Variants in DLC1 observed in about 807,000 individuals in gnomAD.
The protein encoded by DLC1 is rho GTPase-activating protein 7.
DLC1 carries 54 observed loss-of-function variants against 140.3 expected under a neutral mutation model. That is an observed-to-expected ratio of 0.38 (90% CI 0.31 to 0.48). DLC1 has a LOEUF of 0.48. Among genes scored for constraint, DLC1 ranks in the 20% least tolerant of loss-of-function variants. The pLI is 0.96. For missense variants in DLC1, 2,536 were observed against 1,907.0 expected (o/e 1.33, Z -6.14); for synonymous variants, 986 against 728.1 (o/e 1.35, Z -5.70).
chr8:13,586,533 T>C (rs1373033772), intron 1 of DLC1, among the ~76,000 whole-genome samples: 18 of 151,630 alleles, frequency 1.2e-4, no homozygotes, highest in Admixed American at 1.1e-3. Context: ...ACTGAATGAA[T>C]TGAGTTTTTT....
At chr8:13,326,817 A>T (rs564817614) in intron 4 of DLC1, among the ~76,000 whole-genome samples, 83 of 152,228 alleles carry the variant, frequency 5.5e-4, no homozygotes, top group Non-Finnish European at 1.0e-3. Context: ...CTCCGGCTCT[A>T]GGAATCATAT....
At chr8:13,220,949 A>T (rs142261666) in intron 5 of DLC1, among the ~76,000 whole-genome samples, 336 of 152,340 alleles carry the variant, frequency 2.2e-3, no homozygotes, top group African/African-American at 7.3e-3. Context: ...GGCTGTGGGC[A>T]GAGTGATGAA....
intron 1 of DLC1, chr8:13,567,527 A>C: frequency 1.3e-6 from 2 of 1,551,930 alleles, no homozygotes; most frequent in Non-Finnish European, 1.7e-6. Context: ...ATCTACTTTA[A>C]AAACATGAGG....
chr8:13,098,316 A>T, intron 10 of DLC1, 83 bp downstream of exon 10: 1 of 1,511,096 alleles, frequency 6.6e-7, no homozygotes, highest in Non-Finnish European at 9.0e-7. Flanking sequence ...GAGAAGTGTC[A>T]TTTTTTACTG....
At chr8:13,095,064 G>A in intron 11 of DLC1, 22 bp downstream of exon 11, 1 of 1,613,948 alleles carries the variant, frequency 6.2e-7, no homozygotes, top group South Asian at 1.1e-5. Context: ...TGAGTACGTG[G>A]ACCCGCAGGC....
At chr8:13,395,362 C>G (rs1171934085) in intron 3 of DLC1, among the ~76,000 whole-genome samples, 2 of 152,088 alleles carry the variant, frequency 1.3e-5, no homozygotes, top group Non-Finnish European at 2.9e-5. Context: ...ACCTCGTGAT[C>G]CACCCGCCTT....
intron 2 of DLC1, among the ~76,000 whole-genome samples, chr8:13,466,140 G>A (rs1040333868): frequency 6.6e-6 from 1 of 152,112 alleles, no homozygotes; most frequent in Non-Finnish European, 1.5e-5. Flanking sequence ...ACACCTGCTT[G>A]TTCTAAACCT....
At chr8:13,413,255 G>GGTTTTTTTTTTTTT (rs1461897724) in intron 2 of DLC1, among the ~76,000 whole-genome samples, 4 of 30,138 alleles carry the variant, frequency 1.3e-4, no homozygotes, top group African/African-American at 3.1e-4. Flanking sequence ...ATTTTTTTGC[G>GGTTTTTTTTTTTTT]ATTTTTTTTT....
chr8:13,174,464 T>A (rs1978665), intron 5 of DLC1, among the ~76,000 whole-genome samples: 67,363 of 152,110 alleles, frequency 0.44, 15,704 homozygotes, highest in East Asian at 0.84. Flanking sequence ...GTGGCTGAAC[T>A]AAGGTACATT....
chr8:13,214,551 C>A, intron 5 of DLC1: 2 of 700,992 alleles, frequency 2.9e-6, no homozygotes, highest in South Asian at 1.6e-5. Context: ...CCGGCCCCAA[C>A]CCCACCTTTT....
chr8:13,412,438 G>A (rs1252005627), intron 2 of DLC1, among the ~76,000 whole-genome samples: 1 of 152,080 alleles, frequency 6.6e-6, no homozygotes, highest in Non-Finnish European at 1.5e-5. Flanking sequence ...TGCAAAGACA[G>A]TATAATCAAT....
At chr8:13,511,324 T>TC (rs1802355171) in intron 1 of DLC1, among the ~76,000 whole-genome samples, 1 of 1,026 alleles carries the variant, frequency 9.7e-4, no homozygotes, top group Non-Finnish European at 6.0e-3. Context: ...ATCTTTCACC[T>TC]TTTTTTTTGG....
intron 4 of DLC1, among the ~76,000 whole-genome samples, chr8:13,312,460 T>C: frequency 1.3e-5 from 2 of 150,602 alleles, no homozygotes; most frequent in Non-Finnish European, 3.0e-5. Flanking sequence ...CTCTTCTCTG[T>C]CTTTATTGAA....
intron 2 of DLC1, among the ~76,000 whole-genome samples, chr8:13,424,622 G>C (rs1224499209): frequency 6.6e-6 from 1 of 151,930 alleles, no homozygotes; most frequent in Non-Finnish European, 1.5e-5. Flanking sequence ...GTCCAGGCTG[G>C]AGTGCAGTGC....
At chr8:13,356,841 T>A (rs906903583) in intron 4 of DLC1, among the ~76,000 whole-genome samples, 2 of 151,624 alleles carry the variant, frequency 1.3e-5, no homozygotes, top group South Asian at 2.1e-4. Context: ...CTCTTTTTTT[T>A]ATTATTTTTT....
intron 1 of DLC1, among the ~76,000 whole-genome samples, chr8:13,547,656 A>G (rs143852901): frequency 3.3e-4 from 50 of 152,212 alleles, no homozygotes; most frequent in African/African-American, 1.1e-3. Context: ...AAATTTGTCA[A>G]GGTTAGAAAA....
intron 4 of DLC1, among the ~76,000 whole-genome samples, chr8:13,338,114 C>G (rs900221981): frequency 6.6e-5 from 10 of 152,100 alleles, no homozygotes; most frequent in African/African-American, 2.4e-4. Context: ...TTGAAAGAAC[C>G]TGGACTGGCT....
At chr8:13,173,509 T>C (rs996729637) in intron 5 of DLC1, among the ~76,000 whole-genome samples, 2 of 152,028 alleles carry the variant, frequency 1.3e-5, no homozygotes, top group South Asian at 2.1e-4. Flanking sequence ...GTAGCTGGGA[T>C]TACAGGCATG....
intron 2 of DLC1, among the ~76,000 whole-genome samples, chr8:13,482,011 A>C (rs956472790): frequency 6.6e-6 from 1 of 152,168 alleles, no homozygotes; most frequent in Admixed American, 6.5e-5. Context: ...TAAAGGAACC[A>C]ATTCTCCTTC....
Sources: gnomAD v4.1 joint callset for allele counts (sites outside exome capture counted in the v4.1 genomes callset) on GRCh38, gnomAD v4.1.1 for gene constraint, MANE v1.5 for transcripts, NCBI Gene and HGNC (gene_info 2026-07-23, HGNC 2026-07-21) for gene names.